Variants in CALB1 observed in about 807,000 individuals in gnomAD.
CALB1 encodes the protein calbindin.
CALB1 carries 16 observed loss-of-function variants against 46.7 expected under a neutral mutation model. That is an observed-to-expected ratio of 0.34 (90% CI 0.23 to 0.52). The LOEUF (loss-of-function observed/expected upper bound fraction) is 0.52, where lower values mean the gene tolerates loss of function less well. CALB1 is among the 20% of genes least tolerant of loss of function. The pLI is 0.95. For missense variants in CALB1, 224 were observed against 300.3 expected (o/e 0.75, Z 1.88); for synonymous variants, 90 against 112.8 (o/e 0.80, Z 1.28).
At chr8:90,063,195 A>G (rs947944069) in intron 8 of CALB1, 42 bp from the exon 9 acceptor site, 5 of 1,508,056 alleles carry the variant, frequency 3.3e-6, no homozygotes, top group East Asian at 2.3e-5. Flanking sequence ...TGTTATTACT[A>G]TGTTTCAGTA....
At chr8:90,076,584 C>T (rs1814626916) in intron 3 of CALB1, among the ~76,000 whole-genome samples, 1 of 151,934 alleles carries the variant, frequency 6.6e-6, no homozygotes, top group South Asian at 2.1e-4. Flanking sequence ...AAGCTTCTCA[C>T]TTCTTTATTT....
At chr8:90,072,189 T>C (rs956641175) in intron 3 of CALB1, among the ~76,000 whole-genome samples, 11 of 141,268 alleles carry the variant, frequency 7.8e-5, no homozygotes, top group African/African-American at 2.8e-4. Context: ...AAAAAACAAA[T>C]GAATGAACTA....
intron 6 of CALB1, 31 bp downstream of exon 6, chr8:90,065,867 T>C: frequency 7.1e-7 from 1 of 1,412,190 alleles, no homozygotes; most frequent in Non-Finnish European, 1.0e-6. Flanking sequence ...TCATGAGCTC[T>C]TGGGTACAAT....
intron 5 of CALB1, among the ~76,000 whole-genome samples, chr8:90,067,355 T>G (rs1805904): frequency 0.015 from 2,282 of 152,228 alleles, 55 homozygotes; most frequent in African/African-American, 0.052. Flanking sequence ...GAGAATAAAA[T>G]TTAGAACAAA....
chr8:90,073,662 C>T (rs1586182821), intron 3 of CALB1, among the ~76,000 whole-genome samples: 1 of 152,362 alleles, frequency 6.6e-6, no homozygotes, highest in Non-Finnish European at 1.5e-5. Flanking sequence ...TTACATCTCT[C>T]TTTTATTTCT....
rs1201465975 is a variant in CALB1, at chr8:90,059,551, G to A, written c.*622C>T. ...AATCAGACAGATTTATGTGTCATCT[G>A]GTGCTCCCTTCCCTTGTCACATCAA... On this transcript the variant is annotated 3_prime_UTR_variant, in exon 11 of 11. Transcript: ENST00000265431. The A allele has an allele frequency of 2.0e-5, 3 of 152,144 alleles. No homozygotes were observed. The East Asian group carries it at 5.8e-4, about 29-fold the overall frequency. The allele number at this position is 152,144 out of a possible 1,614,324, so 9.4% of individuals were successfully genotyped here. A position where few individuals can be genotyped will look rare whatever the true frequency, so the allele number is the denominator to read the frequency against.
At position 90,082,189 on chromosome 8, in the gene CALB1, C is replaced by T. The variant is rs561008176; in HGVS notation, c.80-87G>A. Reference sequence around the variant, plus strand: ...CTTTCCAAGACAGTTATCTTTCTGGCGACCCGAGAGGCTCTCTCTTGCCTG... The same window carrying T: ...CTTTCCAAGACAGTTATCTTTCTGGTGACCCGAGAGGCTCTCTCTTGCCTG... On this transcript the variant is annotated intron_variant, in intron 1 of 10. Coordinates refer to ENST00000265431, the MANE Select transcript of CALB1 (RefSeq NM_004929.4). The T allele has an allele frequency of 2.8e-4, 339 of 1,192,702 alleles. No homozygotes were observed. The South Asian group carries it at 3.6e-3, about 13-fold the overall frequency. 73.9% of individuals were successfully genotyped at this position (1,192,702 alleles called of 1,614,324 possible). A position where few individuals can be genotyped will look rare whatever the true frequency, so the allele number is the denominator to read the frequency against.
intron 1 of CALB1, 101 bp from the exon 2 acceptor site, chr8:90,082,203 C>T: frequency 2.0e-6 from 2 of 1,000,806 alleles, no homozygotes; most frequent in Non-Finnish European, 3.1e-6. Flanking sequence ...CCGAGAGGCT[C>T]TCTCTTGCCT....
At chr8:90,060,924 AACTTTTCAAAGT>A (rs1478479340) in intron 9 of CALB1, 28 of 524,348 alleles carry the variant, frequency 5.3e-5, no homozygotes, top group African/African-American at 5.2e-4. Flanking sequence ...AAAGATCTTG[AACTTTTCAAAGT>A]ACTTACACAT....
At position 90,069,242 on chromosome 8, in the gene CALB1, A is replaced by G. The variant is rs750879244; in HGVS notation, c.232-5T>C. The G allele has an allele frequency of 3.1e-6, 5 of 1,610,188 alleles. No individual in the cohort carries two copies. The highest frequency in any genetic ancestry group is 2.5e-6 in the Non-Finnish European group (3 of 1,176,598). On this transcript the variant is annotated splice_polypyrimidine_tract_variant and splice_region_variant and intron_variant, in intron 3 of 10. Transcript: ENST00000265431. ...TGTGGGTAATACGTGAGCCAACTGG[A>G]AAAGATTTAAGAAGAGAGAAACGTG...
intron 9 of CALB1, chr8:90,060,919 T>C (rs141995639): frequency 1.7e-5 from 9 of 528,116 alleles, no homozygotes; most frequent in African/African-American, 1.5e-4. Context: ...TTGTAAAAGA[T>C]CTTGAACTTT....
chr8:90,060,155 T>C lies in CALB1; in HGVS notation c.*18A>G, dbSNP rs763200163. ...TTAGATACAGTGTATCACTAGCAAG[T>C]GGTTGCGGCCACCAACTCTAGTTAT... On this transcript the variant is annotated 3_prime_UTR_variant, in exon 11 of 11. Transcript: ENST00000265431. The C allele has an allele frequency of 2.1e-6, 3 of 1,408,604 alleles. No homozygotes were observed. The highest frequency in any genetic ancestry group is 1.7e-5 in the Admixed American group (1 of 59,744). The allele number at this position is 1,408,604 out of a possible 1,614,324, so 87.3% of individuals were successfully genotyped here.
intron 3 of CALB1, among the ~76,000 whole-genome samples, chr8:90,073,301 T>A (rs866190755): frequency 6.6e-6 from 1 of 152,154 alleles, no homozygotes; most frequent in Non-Finnish European, 1.5e-5. Context: ...GGAGTGTTGC[T>A]GCAGCCTCAC....
chr8:90,059,122 GATAGAA>G lies in CALB1; in HGVS notation c.*1045_*1050del, dbSNP rs1332813260. ...TTAAACTCATTTGAAACTATTTGCA[GATAGAA>G]ATAGAACTATTTTGAATGCTGATCT... On this transcript the variant is annotated 3_prime_UTR_variant, in exon 11 of 11. Coordinates refer to ENST00000265431, the MANE Select transcript of CALB1 (RefSeq NM_004929.4). The G allele has an allele frequency of 3.9e-5, 6 of 152,360 alleles. No homozygotes were observed. The highest frequency in any genetic ancestry group is 8.8e-5 in the Non-Finnish European group (6 of 67,990). The allele number at this position is 152,360 out of a possible 1,614,324, so 9.4% of individuals were successfully genotyped here.
chr8:90,080,868 T>TTA (rs1287359403), intron 2 of CALB1, among the ~76,000 whole-genome samples: 2 of 152,114 alleles, frequency 1.3e-5, no homozygotes, highest in Admixed American at 6.6e-5. Context: ...TTATTAAATT[T>TTA]TATATATATC....
intron 5 of CALB1, among the ~76,000 whole-genome samples, chr8:90,067,010 A>T (rs543279335): frequency 7.6e-4 from 116 of 152,190 alleles, no homozygotes; most frequent in African/African-American, 2.7e-3. Context: ...TTTGATAAAA[A>T]TTTTTTACTT....
intron 6 of CALB1, 96 bp downstream of exon 6, chr8:90,065,802 G>A (rs1293519186): frequency 3.5e-5 from 27 of 773,286 alleles, no homozygotes; most frequent in Non-Finnish European, 4.3e-5. Context: ...CCACACCACC[G>A]TTTATTTATT....
chr8:90,065,331 T>A (rs1163288479), intron 6 of CALB1, among the ~76,000 whole-genome samples: 1 of 151,648 alleles, frequency 6.6e-6, no homozygotes, highest in Non-Finnish European at 1.5e-5. Context: ...CTATTTACCA[T>A]AGCATCAACC....
intron 2 of CALB1, 123 bp downstream of exon 2, chr8:90,081,903 C>CA: frequency 5.5e-6 from 4 of 724,506 alleles, no homozygotes; most frequent in Non-Finnish European, 9.1e-6. Flanking sequence ...TTGCCTTTCG[C>CA]AGTCAATAAA....
Sources: allele counts gnomAD v4.1 joint callset (sites outside exome capture counted in the v4.1 genomes callset), GRCh38; gene constraint gnomAD v4.1.1; transcripts MANE v1.5; gene names NCBI Gene and HGNC (gene_info 2026-07-23, HGNC 2026-07-21).